The following EPB41L4A variants were observed in gnomAD, a reference collection of about 807,000 sequenced individuals.
EPB41L4A encodes band 4.1-like protein 4A.
Under a neutral mutation model 108.6 loss-of-function variants are expected in EPB41L4A, and 100 were observed. That is an observed-to-expected ratio of 0.92 (90% CI 0.78 to 1.09). EPB41L4A has a LOEUF of 1.09. Ranked by LOEUF, EPB41L4A falls within the 50% of genes least tolerant of loss-of-function variation. EPB41L4A has a pLI of 0.00. For missense variants in EPB41L4A, 1,030 were observed against 842.7 expected (o/e 1.22, Z -2.75); for synonymous variants, 319 against 289.0 (o/e 1.10, Z -1.05).
intron 1 of EPB41L4A, among the ~76,000 whole-genome samples, chr5:112,339,487 T>TAGATATATAG (rs1757136319): frequency 2.1e-4 from 6 of 28,906 alleles, no homozygotes; most frequent in African/African-American, 5.0e-4. Flanking sequence ...TATATATATA[T>TAGATATATAG]ATATATATCT....
At chr5:112,160,505 C>T, downstream of EPB41L4A, 1 of 152,516 alleles carries the variant, frequency 6.6e-6, no homozygotes, top group Non-Finnish European at 1.5e-5. Context: ...TCTACTCTTC[C>T]TCAGCTGGAC....
chr5:112,220,317 T>C (rs1444954342), intron 12 of EPB41L4A, among the ~76,000 whole-genome samples: 1 of 152,188 alleles, frequency 6.6e-6, no homozygotes, highest in Non-Finnish European at 1.5e-5. Flanking sequence ...TTCAATTTTG[T>C]TGCAAGTAAA....
At chr5:112,272,913 C>T (rs1413021279) in intron 4 of EPB41L4A, among the ~76,000 whole-genome samples, 2 of 151,804 alleles carry the variant, frequency 1.3e-5, no homozygotes, top group African/African-American at 4.8e-5. Context: ...ATCATTCATA[C>T]CAAAAAATTA....
At chr5:112,393,206 C>A (rs1415276685) in intron 1 of EPB41L4A, among the ~76,000 whole-genome samples, 1 of 152,006 alleles carries the variant, frequency 6.6e-6, no homozygotes, top group African/African-American at 2.4e-5. Flanking sequence ...CAAACACATT[C>A]AAAAGCTAGC....
At chr5:112,339,484 A>ATATCTATATC (rs70973633) in intron 1 of EPB41L4A, among the ~76,000 whole-genome samples, 6 of 35,304 alleles carry the variant, frequency 1.7e-4, no homozygotes, top group African/African-American at 4.1e-4. Context: ...CTATATATAT[A>ATATCTATATC]TATATATATA....
At chr5:112,302,683 C>G (rs1217458504) in intron 2 of EPB41L4A, among the ~76,000 whole-genome samples, 3 of 152,188 alleles carry the variant, frequency 2.0e-5, no homozygotes, top group Non-Finnish European at 4.4e-5. Context: ...CCCATACAGT[C>G]TGAATCCAGA....
chr5:112,170,069 C>A, intron 20 of EPB41L4A: 3 of 458,746 alleles, frequency 6.5e-6, no homozygotes, highest in Non-Finnish European at 1.1e-5. Context: ...CAGGAAAAGC[C>A]CCCTTGTACC....
At chr5:112,295,966 G>A (rs1199135822) in intron 2 of EPB41L4A, among the ~76,000 whole-genome samples, 1 of 152,136 alleles carries the variant, frequency 6.6e-6, no homozygotes, top group Non-Finnish European at 1.5e-5. Context: ...CTTAGGAATA[G>A]AATTCCAAAA....
intron 1 of EPB41L4A, among the ~76,000 whole-genome samples, chr5:112,389,620 A>G (rs1329940583): frequency 6.6e-6 from 1 of 152,214 alleles, no homozygotes; most frequent in Non-Finnish European, 1.5e-5. Context: ...TAACTTTGAA[A>G]TGATCAACAT....
chr5:112,319,975 C>A (rs1006858698), intron 1 of EPB41L4A, among the ~76,000 whole-genome samples: 2 of 152,126 alleles, frequency 1.3e-5, no homozygotes, highest in African/African-American at 4.8e-5. Context: ...CATCATAAAG[C>A]CTATGTGGTA....
At chr5:112,166,726 A>G (rs1760270281) in intron 22 of EPB41L4A, among the ~76,000 whole-genome samples, 1 of 152,230 alleles carries the variant, frequency 6.6e-6, no homozygotes, top group South Asian at 2.1e-4. Flanking sequence ...ACTTTTTTAT[A>G]AAGAGCCAGA....
At chr5:112,182,974 G>C (rs144329451) in intron 18 of EPB41L4A, among the ~76,000 whole-genome samples, 52 of 152,250 alleles carry the variant, frequency 3.4e-4, no homozygotes, top group African/African-American at 1.1e-3. Context: ...ACAAAAGAAA[G>C]TCATCACTCA....
chr5:112,153,990 G>C lies in EPB41L4A; in HGVS notation n.994+4411C>G, dbSNP rs566250951. On this transcript the variant is annotated intron_variant and non_coding_transcript_variant, in intron 12 of 13. Transcript: ENST00000507810. Reference sequence around the variant, plus strand: ...AAAGAAGAAAATGCAAAAATACTTAGAAACAGATATGTAGCTGGCACACAC... The same window carrying C: ...AAAGAAGAAAATGCAAAAATACTTACAAACAGATATGTAGCTGGCACACAC... 5.3e-5 allele frequency among the ~76,000 whole-genome samples: 8 copies of C among 152,178 alleles called. 1 individual carries two copies. In the South Asian group the frequency reaches 1.7e-3, roughly 32 times the overall value.
intron 1 of EPB41L4A, among the ~76,000 whole-genome samples, chr5:112,320,497 T>G (rs1303219882): frequency 1.3e-5 from 2 of 152,212 alleles, no homozygotes; most frequent in Admixed American, 6.5e-5. Context: ...GGGTAATTCT[T>G]TAAAATTGCA....
intron 1 of EPB41L4A, among the ~76,000 whole-genome samples, chr5:112,410,346 T>C (rs192506940): frequency 3.2e-4 from 49 of 152,234 alleles, no homozygotes; most frequent in African/African-American, 1.2e-3. Flanking sequence ...TAAAGTATTC[T>C]AGGCAGGAGG....
intron 2 of EPB41L4A, among the ~76,000 whole-genome samples, chr5:112,298,615 A>G (rs1197393125): frequency 1.3e-5 from 2 of 152,024 alleles, no homozygotes; most frequent in East Asian, 1.9e-4. Flanking sequence ...TTTTGCATCT[A>G]TGTTCATCAG....
At position 112,314,536 on chromosome 5, in the gene EPB41L4A, A is replaced by T. The variant is rs112822148; in HGVS notation, c.100-7046T>A. 7.9e-5 allele frequency among the ~76,000 whole-genome samples: 9 copies of T among 113,648 alleles called. No homozygotes were observed. The East Asian group carries it at 2.2e-3, about 28-fold the overall frequency. The allele number at this position is 113,648 out of a possible 152,430, so 74.6% of individuals were successfully genotyped here. On this transcript the variant is annotated intron_variant, in intron 1 of 22. Transcript: ENST00000261486. ...AAAAAAAAAAAAAAAAAAAAAAAAAAAAGAAAAGAAATTAGCCAAGCATGA... is the reference window on the plus strand; with the variant it reads ...AAAAAAAAAAAAAAAAAAAAAAAAATAAGAAAAGAAATTAGCCAAGCATGA...
chr5:112,245,367 T>C (rs577797422), intron 9 of EPB41L4A, among the ~76,000 whole-genome samples: 1 of 152,278 alleles, frequency 6.6e-6, no homozygotes, highest in African/African-American at 2.4e-5. Context: ...ATAATTGAAA[T>C]GATTTGTCTC....
chr5:112,412,290 G>C (rs1397019250), intron 1 of EPB41L4A, among the ~76,000 whole-genome samples: 1 of 152,164 alleles, frequency 6.6e-6, no homozygotes, highest in Non-Finnish European at 1.5e-5. Flanking sequence ...ATTTTGGAAG[G>C]GCTGCAGGCC....
Sources: allele counts gnomAD v4.1 joint callset (sites outside exome capture counted in the v4.1 genomes callset), GRCh38; gene constraint gnomAD v4.1.1; transcripts MANE v1.5; gene names NCBI Gene and HGNC (gene_info 2026-07-23, HGNC 2026-07-21).